The following RP1 variants were observed in gnomAD, a reference collection of about 807,000 sequenced individuals.
RP1 encodes oxygen-regulated protein 1.
Under a neutral mutation model 14.8 loss-of-function variants are expected in RP1, and 16 were observed. The ratio of observed to expected loss-of-function variants is 1.08; its 90% confidence interval spans 0.73 to 1.65. The LOEUF (loss-of-function observed/expected upper bound fraction) is 1.65, where lower values mean the gene tolerates loss of function less well. Ranked by LOEUF, RP1 falls within the 40% of genes most tolerant of loss-of-function variation. RP1 has a pLI of 0.00. For missense variants in RP1, 2,631 were observed against 2,535.0 expected, an observed-to-expected ratio of 1.04 and a Z score of -0.81; for synonymous variants, 876 against 883.6, an observed-to-expected ratio of 0.99 and a Z score of 0.15.
chr8:54,739,278 C>T (rs554681599), intron 19 of RP1, among the ~76,000 whole-genome samples: 16 of 152,186 alleles, frequency 1.1e-4, no homozygotes, highest in South Asian at 8.3e-4. Context: ...CTTATGATGG[C>T]GTGAAAGCGA....
chr8:54,604,093 A>G (rs1209130935), intron 1 of RP1, among the ~76,000 whole-genome samples: 3 of 152,168 alleles, frequency 2.0e-5, no homozygotes. Flanking sequence ...GAGTGGTGAG[A>G]GAGGGCATCC....
At chr8:54,723,292 A>AT (rs940282506) in intron 16 of RP1, among the ~76,000 whole-genome samples, 30 of 152,050 alleles carry the variant, frequency 2.0e-4, no homozygotes, top group Admixed American at 3.9e-4. Flanking sequence ...ACTTCATGGC[A>AT]TTTTTTTTAT....
At chr8:54,746,540 TG>T (rs1294992602) in intron 19 of RP1, among the ~76,000 whole-genome samples, 1 of 152,150 alleles carries the variant, frequency 6.6e-6, no homozygotes, top group Non-Finnish European at 1.5e-5. Flanking sequence ...CAAAACAAGA[TG>T]GCTATAACTG....
chr8:54,807,387 A>C (rs74947074), intron 24 of RP1, among the ~76,000 whole-genome samples: 4,316 of 152,300 alleles, frequency 0.028, 118 homozygotes, highest in African/African-American at 0.063. Flanking sequence ...TAGAGTCTTA[A>C]CTTGCTAAAA....
At chr8:54,852,679 G>T in exon 26 of RP1, 16 of 1,231,996 alleles carry the variant, frequency 1.3e-5, no homozygotes, top group Non-Finnish European at 1.5e-5. Context: ...TCAGGAAAAC[G>T]AAGACTTCAT....
rs765636720 is a variant in RP1 at position 54,621,311 on chromosome 8, A to G, written c.345A>G (p.Val115=). The G allele has an allele frequency of 1.9e-6, 3 of 1,613,386 alleles. No homozygotes were observed. The highest frequency in any genetic ancestry group is 2.5e-6 in the Non-Finnish European group (3 of 1,179,696). Residue 115 remains valine (V), a synonymous_variant, in exon 2 of 4, where the codon GTA becomes GTG. Coordinates refer to ENST00000220676, the MANE Select transcript of RP1 (RefSeq NM_006269.2). The stretch of plus-strand genomic sequence containing the variant: ...CCCACGGCAGGAAGGTGCAGCCTGT[A>G]GACCTGGACAAAGCCCGTCGGCGCC... ...LCSHGRKVQP[V]DLDKARRRPR... is the part of the protein sequence containing the mutation.
chr8:54,859,000 T>C (rs866850267), intron 27 of RP1, among the ~76,000 whole-genome samples: 1 of 152,168 alleles, frequency 6.6e-6, no homozygotes, highest in Middle Eastern at 3.4e-3. Context: ...ACTATGTCAC[T>C]GTAGACTGGT....
At chr8:54,568,640 A>T (rs959741969) in intron 1 of RP1, among the ~76,000 whole-genome samples, 11 of 152,228 alleles carry the variant, frequency 7.2e-5, no homozygotes, top group African/African-American at 2.4e-4. Context: ...GTGCTCTTTT[A>T]TCTTAAGGAA....
chr8:54,629,678 C>T lies in RP1; in HGVS notation c.5796C>T (p.Asp1932=). The change falls in exon 4 of 4, where the codon GAC becomes GAT. Residue 1932 remains aspartate (D), a synonymous_variant. Coordinates refer to ENST00000220676, the MANE Select transcript of RP1 (RefSeq NM_006269.2). ...TVIIQPMNEE[D]RGFAYRKESD... Reference sequence around the variant, plus strand: ...TTATCCAACCCATGAATGAGGAAGACCGAGGATTTGCATATCGCAAAGAAT... The same window carrying T: ...TTATCCAACCCATGAATGAGGAAGATCGAGGATTTGCATATCGCAAAGAAT... 6.2e-7 allele frequency: 1 copy of T among 1,613,674 alleles called. No homozygotes were observed. Among genetic ancestry groups the T allele is most frequent in the Non-Finnish European group, 8.5e-7 (1 of 1,179,914 alleles).
At chr8:54,675,745 G>A (rs542281667) in intron 8 of RP1, among the ~76,000 whole-genome samples, 5 of 152,262 alleles carry the variant, frequency 3.3e-5, no homozygotes, top group African/African-American at 1.2e-4. Context: ...CTAACAGAAT[G>A]TTATGATGGT....
At chr8:54,685,099 C>A (rs1807531015) in intron 12 of RP1, among the ~76,000 whole-genome samples, 1 of 151,888 alleles carries the variant, frequency 6.6e-6, no homozygotes, top group Non-Finnish European at 1.5e-5. Context: ...TAATTTTTTT[C>A]AAAAAACCAG....
At chr8:54,797,356 A>G (rs1022156727) in intron 24 of RP1, among the ~76,000 whole-genome samples, 1 of 152,160 alleles carries the variant, frequency 6.6e-6, no homozygotes, top group Non-Finnish European at 1.5e-5. Context: ...AATAAAGTAC[A>G]ATCAGTTTGG....
At chr8:54,605,646 G>A (rs1412603373) in intron 1 of RP1, among the ~76,000 whole-genome samples, 1 of 152,164 alleles carries the variant, frequency 6.6e-6, no homozygotes, top group Non-Finnish European at 1.5e-5. Flanking sequence ...GGGTGTTAAA[G>A]TCTCCCATTA....
intron 1 of RP1, among the ~76,000 whole-genome samples, chr8:54,562,277 T>C (rs1804302071): frequency 1.3e-5 from 2 of 152,248 alleles, no homozygotes; most frequent in African/African-American, 4.8e-5. Flanking sequence ...GATCAATTAT[T>C]GCTTTTATTA....
upstream of RP1, among the ~76,000 whole-genome samples, chr8:54,612,892 C>T (rs949566325): frequency 6.6e-6 from 1 of 152,206 alleles, no homozygotes; most frequent in Admixed American, 6.5e-5. Flanking sequence ...TCTCACGTCA[C>T]TTCTCAGTGA....
chr8:54,800,890 C>T (rs1810689412), intron 24 of RP1, among the ~76,000 whole-genome samples: 1 of 152,102 alleles, frequency 6.6e-6, no homozygotes, highest in Non-Finnish European at 1.5e-5. Flanking sequence ...TTGTGGTTTC[C>T]TTGCCTTCTC....
At chr8:54,830,388 C>A (rs766144074) in intron 24 of RP1, among the ~76,000 whole-genome samples, 1 of 151,840 alleles carries the variant, frequency 6.6e-6, no homozygotes, top group Admixed American at 6.6e-5. Flanking sequence ...CCCATTAACT[C>A]GTCATTTACA....
intron 27 of RP1, among the ~76,000 whole-genome samples, chr8:54,858,388 G>A (rs1204008826): frequency 1.3e-5 from 2 of 152,182 alleles, no homozygotes; most frequent in African/African-American, 2.4e-5. Flanking sequence ...CTGTAAGGTG[G>A]TGTCACTGTA....
chr8:54,571,775 C>G (rs1053251092), intron 1 of RP1, among the ~76,000 whole-genome samples: 7 of 152,216 alleles, frequency 4.6e-5, no homozygotes, highest in African/African-American at 1.7e-4. Flanking sequence ...GCCTCTTCCT[C>G]AGCTCCTGGT....
Sources: gnomAD v4.1 joint callset for allele counts (sites outside exome capture counted in the v4.1 genomes callset) on GRCh38, gnomAD v4.1.1 for gene constraint, MANE v1.5 for transcripts, NCBI Gene and HGNC (gene_info 2026-07-23, HGNC 2026-07-21) for gene names.